USP4: variants seen among roughly 807,000 people sequenced by gnomAD.
USP4 encodes the protein ubiquitin carboxyl-terminal hydrolase 4.
A neutral mutation model predicts 118.2 loss-of-function variants in USP4; 72 were observed. The ratio of observed to expected loss-of-function variants is 0.61; its 90% CI spans 0.50 to 0.74. The LOEUF (loss-of-function observed/expected upper bound fraction) is 0.74, where lower values mean the gene tolerates loss of function less well. Among genes scored for constraint, USP4 ranks in the 30% least tolerant of loss-of-function variants. The probability of loss-of-function intolerance (pLI) is 0.00; values close to 1 mark genes in which losing one functional copy is unlikely to be tolerated. For missense variants in USP4, 1,037 were observed against 1,185.7 expected (o/e 0.87, Z 1.84); for synonymous variants, 415 against 440.4 (o/e 0.94, Z 0.72).
chr3:49,322,175 A>G (rs568451644), intron 6 of USP4, among the ~76,000 whole-genome samples: 1 of 152,266 alleles, frequency 6.6e-6, no homozygotes, highest in South Asian at 2.1e-4. Context: ...TGAATCCCCA[A>G]GGTTAATTTT....
chr3:49,278,998 A>C, intron 20 of USP4, 96 bp from the exon 21 acceptor site: 1 of 717,214 alleles, frequency 1.4e-6, no homozygotes. Flanking sequence ...AAATCCCCAA[A>C]ACAAAACCCC....
chr3:49,321,539 G>C (rs546035235), intron 6 of USP4, among the ~76,000 whole-genome samples: 2 of 151,604 alleles, frequency 1.3e-5, no homozygotes, highest in African/African-American at 2.4e-5. Context: ...GAGTGCAGTG[G>C]CACGATCTAG....
At position 49,339,993 on chromosome 3, in the gene USP4, G is replaced by T; in HGVS notation, c.32C>A (p.Pro11Gln). The change falls in exon 1 of 22, where the codon CCG becomes CAG. Residue 11 changes from proline to glutamine, a missense_variant. Pro to Gln is a moderately conservative substitution (Grantham distance 76). Transcript: ENST00000265560. ...CTCGGACTTCTGAGTCTCCGCATCC[G>T]GTCGCTCACGGCAGCCTCCACCTTC... MAEGGGCRERPDAETQKSELG... is the reference protein window; with the variant it reads MAEGGGCRERQDAETQKSELG... 6.2e-7 allele frequency: 1 copy of T among 1,610,948 alleles called. No homozygotes were observed. The highest frequency in any genetic ancestry group is 8.5e-7 in the Non-Finnish European group (1 of 1,179,830).
intron 3 of USP4, among the ~76,000 whole-genome samples, chr3:49,326,788 G>A (rs569578043): frequency 3.0e-4 from 42 of 138,306 alleles, no homozygotes; most frequent in Admixed American, 6.7e-4. Flanking sequence ...TGCAACCTCC[G>A]TCTCCTGGGT....
chr3:49,309,865 T>G (rs1457966607), intron 8 of USP4, among the ~76,000 whole-genome samples: 5 of 146,438 alleles, frequency 3.4e-5, no homozygotes, highest in African/African-American at 5.1e-5. Context: ...GACCTCAGGT[T>G]ATCCACCCGC....
At chr3:49,303,418 G>A (rs1424854900) in intron 9 of USP4, among the ~76,000 whole-genome samples, 1 of 140,510 alleles carries the variant, frequency 7.1e-6, no homozygotes, top group Non-Finnish European at 1.5e-5. Flanking sequence ...TCCAGCCTGG[G>A]CGACATAGCA....
Position 49,284,502 on chromosome 3 carries a change from A to G in USP4, c.2354T>C (p.Phe785Ser). 1 of 1,614,024 alleles carries G rather than the reference A, an allele frequency of 6.2e-7. No homozygotes were observed. Among genetic ancestry groups the G allele is most frequent in the Non-Finnish European group, 8.5e-7 (1 of 1,180,002 alleles). The change falls in exon 18 of 22, where the codon TTC (phenylalanine) becomes TCC (serine). Residue 785 changes from phenylalanine (F) to serine (S), a missense_variant. Physicochemically the swap from Phe to Ser is radical, Grantham distance 155 (BLOSUM62 -2). Coordinates refer to ENST00000265560, the MANE Select transcript of USP4 (RefSeq NM_003363.4). ...CTCCCCAAGGGTCTCCATGGTGGTG[A>G]AGAGCTCGATGCAGTCTCTCAGGGC... is the stretch of plus-strand genomic sequence containing the variant. ...TVALRDCIELFTTMETLGEHD... is the reference protein window; with the variant it reads ...TVALRDCIELSTTMETLGEHD...
intron 1 of USP4, among the ~76,000 whole-genome samples, chr3:49,336,923 C>T (rs1024544488): frequency 1.3e-5 from 2 of 152,146 alleles, no homozygotes; most frequent in Non-Finnish European, 2.9e-5. Flanking sequence ...AACTAATGCT[C>T]TTTCTGAAAA....
intron 2 of USP4, among the ~76,000 whole-genome samples, chr3:49,328,141 T>G (rs530405907): frequency 6.6e-6 from 1 of 151,962 alleles, no homozygotes; most frequent in African/African-American, 2.4e-5. Context: ...GGTTGGATCA[T>G]GAGGTCAGGA....
intron 1 of USP4, among the ~76,000 whole-genome samples, chr3:49,335,895 G>A (rs555022348): frequency 6.6e-6 from 1 of 152,130 alleles, no homozygotes; most frequent in Admixed American, 6.6e-5. Flanking sequence ...ACGGAGTCTT[G>A]TTCTGTCGCC....
Position 49,286,164 on chromosome 3 carries a change from C to T in USP4, c.2134G>A (p.Val712Met). 1.2e-6 allele frequency: 2 copies of T among 1,614,194 alleles called. No individual in the cohort carries two copies. Among genetic ancestry groups the T allele is most frequent in the East Asian group, 2.2e-5 (1 of 44,888 alleles). Residue 712 changes from valine to methionine, a missense_variant, in exon 16 of 22, where the codon GTG becomes ATG. Transcript: ENST00000265560. ...ATGTCAGCTGTTCCATAGGAGTTCA[C>T]AAGACTGAAGGTAAAAAGCCTTTTT... The part of the protein sequence containing the change: ...CPKRLFTFSL[V>M]NSYGTADINS...
chr3:49,284,996 G>A (rs954793462), intron 16 of USP4, 77 bp from the exon 17 acceptor site: 3 of 1,141,142 alleles, frequency 2.6e-6, no homozygotes, highest in Non-Finnish European at 3.9e-6. Flanking sequence ...GGAGTGAGAA[G>A]GACCACACTC....
In USP4 at chr3:49,311,515, C is replaced by T. The variant is rs780565370; in HGVS notation, c.835G>A (p.Gly279Ser). Residue 279 changes from glycine (G) to serine (S), a missense_variant and splice_region_variant, in exon 7 of 22, where the codon GGT becomes AGT. Physicochemically the swap from Gly to Ser is moderately conservative, Grantham distance 56. Around this residue, in one of 3 missense-constraint regions of USP4, gnomAD observed 487 missense variants for 534.1 expected, o/e 0.91. Coordinates refer to ENST00000265560, the MANE Select transcript of USP4 (RefSeq NM_003363.4). Reference sequence around the variant, plus strand: ...CAGAGTGAAAGGACCTGCTCTTACCCCCTGCTGACACCGGAACTGTGCATC... The same window carrying T: ...CAGAGTGAAAGGACCTGCTCTTACCTCCTGCTGACACCGGAACTGTGCATC... ...CGMHSSGVSR[G>S]GSGFSASYNC... is the part of the protein sequence containing the mutation. 7 of 1,613,268 alleles carry T rather than the reference C, an allele frequency of 4.3e-6. No homozygotes were observed. Among genetic ancestry groups the T allele is most frequent in the East Asian group, 4.5e-5 (2 of 44,866 alleles).
chr3:49,311,683 C>T, intron 6 of USP4, 29 bp from the exon 7 acceptor site: 1 of 1,611,602 alleles, frequency 6.2e-7, no homozygotes, highest in Non-Finnish European at 8.5e-7. Flanking sequence ...AACAATGCTA[C>T]TGACTTTTTG....
At chr3:49,336,526 A>C (rs2047670543) in intron 1 of USP4, among the ~76,000 whole-genome samples, 1 of 142,308 alleles carries the variant, frequency 7.0e-6, no homozygotes, top group Non-Finnish European at 1.6e-5. Flanking sequence ...ACAAGTCATT[A>C]ACTTCTTTTT....
intron 1 of USP4, among the ~76,000 whole-genome samples, chr3:49,338,996 A>G (rs945585868): frequency 6.6e-6 from 1 of 151,890 alleles, no homozygotes; most frequent in Admixed American, 6.6e-5. Flanking sequence ...AAATACAAAA[A>G]ATTAGCTGGG....
chr3:49,286,150 T>A lies in USP4; in HGVS notation c.2148A>T (p.Gly716=), dbSNP rs1442844228. Residue 716 remains glycine, a synonymous_variant, in exon 16 of 22, where the codon GGA becomes GGT. Transcript: ENST00000265560. ...LFTFSLVNSY[G]TADINSLAAD... Reference sequence around the variant, plus strand: ...CTGCAAGTGAATTTATGTCAGCTGTTCCATAGGAGTTCACAAGACTGAAGG... The same window carrying A: ...CTGCAAGTGAATTTATGTCAGCTGTACCATAGGAGTTCACAAGACTGAAGG... 1 of 1,614,074 alleles carries A rather than the reference T, an allele frequency of 6.2e-7. No homozygotes were observed. Among genetic ancestry groups the A allele is most frequent in the Non-Finnish European group, 8.5e-7 (1 of 1,180,044 alleles).
At position 49,297,936 on chromosome 3, in the gene USP4, C is replaced by T. The variant is rs377662896; in HGVS notation, c.1625G>A (p.Arg542Gln). The change falls in exon 13 of 22, where the codon CGA (arginine) becomes CAA (glutamine). Residue 542 changes from arginine (R) to glutamine (Q), a missense_variant. Physicochemically the swap from Arg to Gln is conservative, Grantham distance 43. Coordinates refer to ENST00000265560, the MANE Select transcript of USP4 (RefSeq NM_003363.4). ...NMVVADVYNH[R>Q]FHKIFQMDEG... ...ATCCATTTGGAAAATTTTGTGGAAT[C>T]GGTGATTATACACATCTGCGACCAC... 37 of 1,613,782 alleles carry T rather than the reference C, an allele frequency of 2.3e-5. No homozygotes were observed. The highest frequency in any genetic ancestry group is 2.8e-5 in the Non-Finnish European group (33 of 1,179,892).
intron 13 of USP4, among the ~76,000 whole-genome samples, chr3:49,296,540 T>G (rs2047210868): frequency 6.6e-6 from 1 of 151,770 alleles, no homozygotes; most frequent in Non-Finnish European, 1.5e-5. Flanking sequence ...TCCCAGCTAC[T>G]CGGGAGGCTG....
Sources: allele counts gnomAD v4.1 joint callset (sites outside exome capture counted in the v4.1 genomes callset), GRCh38; gene constraint gnomAD v4.1.1; regional missense constraint gnomAD v4.1.1; transcripts MANE v1.5; gene names NCBI Gene and HGNC (gene_info 2026-07-23, HGNC 2026-07-21).